The following TNNC2 variants were observed in gnomAD, a reference collection of about 807,000 sequenced individuals.
TNNC2 encodes troponin C, skeletal muscle.
In TNNC2, 14 loss-of-function variants were observed where a neutral mutation model predicts 20.0. That is an observed-to-expected ratio of 0.70 (90% CI 0.46 to 1.09). The LOEUF is 1.09. Among genes scored for constraint, TNNC2 ranks in the 50% least tolerant of loss-of-function variants. The pLI is 0.00. For missense variants in TNNC2, 163 were observed against 223.8 expected (o/e 0.73, Z 1.73); for synonymous variants, 81 against 77.3 (o/e 1.05, Z -0.25).
intron 2 of TNNC2, chr20:45,833,201 AGAAAGAAAGAAAC>A: frequency 6.6e-6 from 1 of 152,128 alleles, no homozygotes; most frequent in Non-Finnish European, 1.5e-5. Flanking sequence ...AGAGAGAGAA[AGAAAGAAAGAAAC>A]CTCTGGCAAG....
upstream of TNNC2, among the ~76,000 whole-genome samples, chr20:45,830,335 CA>C (rs781603612): frequency 0.1 from 5,443 of 54,214 alleles, 182 homozygotes; most frequent in African/African-American, 0.26. Context: ...GACTGCATCT[CA>C]AAAAAAAAAA....
chr20:45,823,277 G>A lies in TNNC2; in HGVS notation c.*71C>T. The A allele has an allele frequency of 1.4e-6, 2 of 1,438,940 alleles. No individual in the cohort carries two copies. The highest frequency in any genetic ancestry group is 1.3e-5 in the South Asian group (1 of 74,192). The allele number at this position is 1,438,940 out of a possible 1,614,324, so 89.1% of individuals were successfully genotyped here. A position where few individuals can be genotyped will look rare whatever the true frequency, so the allele number is the denominator to read the frequency against. ...CCACAAGGGGTCGCGCCTCCCTGGT[G>A]GGGACCCGGCAGGGCGGAGTCTCCC... On this transcript the variant is annotated 3_prime_UTR_variant, in exon 6 of 6. Coordinates refer to ENST00000372555, the MANE Select transcript of TNNC2 (RefSeq NM_003279.3). The surrounding 1 kb of genome is among the most constrained non-coding windows in gnomAD (Gnocchi z 4.6).
upstream of TNNC2, among the ~76,000 whole-genome samples, chr20:45,828,445 G>A (rs765003412): frequency 1.2e-4 from 19 of 152,184 alleles, no homozygotes; most frequent in Non-Finnish European, 2.6e-4. Flanking sequence ...AGGAGAGGAG[G>A]ATGTGCATTT....
chr20:45,825,206 G>A (rs1982936204), intron 1 of TNNC2, among the ~76,000 whole-genome samples: 1 of 152,038 alleles, frequency 6.6e-6, no homozygotes, highest in Non-Finnish European at 1.5e-5. Flanking sequence ...TGAACTCCTG[G>A]GTTCAAGTGA....
chr20:45,829,166 T>G (rs1202779591), upstream of TNNC2, among the ~76,000 whole-genome samples: 1 of 147,460 alleles, frequency 6.8e-6, no homozygotes, highest in Non-Finnish European at 1.5e-5. Context: ...TTTGGTTTTT[T>G]TTTTTTTTTT....
Position 45,824,342 on chromosome 20 carries a change from C to G in TNNC2, c.264G>C (p.Ala88=). Residue 88 remains alanine, a synonymous_variant, in exon 4 of 6, where the codon GCG becomes GCC. Coordinates refer to ENST00000372555, the MANE Select transcript of TNNC2 (RefSeq NM_003279.3). ...CCAGCTCCTCCTCGCTCTTCCCTTT[C>G]GCGTCCTCTTTCATCTGGCGCACCA... ...VMMVRQMKED[A]KGKSEEELAE... The G allele has an allele frequency of 3.7e-6, 6 of 1,611,292 alleles. No individual in the cohort carries two copies. The South Asian group carries it at 4.4e-5, about 12-fold the overall frequency.
chr20:45,824,696 A>AACCCCCCCCCC, intron 2 of TNNC2, 58 bp from the exon 3 acceptor site: 5 of 1,385,650 alleles, frequency 3.6e-6, no homozygotes, highest in Non-Finnish European at 3.9e-6. Flanking sequence ...CCTCACACCT[A>AACCCCCCCCCC]CCCCCCCCCA....
intron 1 of TNNC2, 56 bp from the exon 2 acceptor site, chr20:45,824,890 C>T (rs1344326271): frequency 5.1e-5 from 81 of 1,598,954 alleles, no homozygotes; most frequent in Non-Finnish European, 6.7e-5. Context: ...AGCAGTTCCT[C>T]ACCTCAAAGC....
chr20:45,824,324 C>T lies in TNNC2; in HGVS notation c.282G>A (p.Glu94=). The part of the protein sequence containing the change: ...MKEDAKGKSE[E]ELAECFRIFD... ...AGATGCGGAAGCACTCGGCCAGCTC[C>T]TCCTCGCTCTTCCCTTTCGCGTCCT... is the stretch of plus-strand genomic sequence containing the variant. Residue 94 remains glutamate, a synonymous_variant, in exon 4 of 6, where the codon GAG becomes GAA. Transcript: ENST00000372555. The T allele has an allele frequency of 6.2e-7, 1 of 1,611,216 alleles. No homozygotes were observed. Among genetic ancestry groups the T allele is most frequent in the Non-Finnish European group, 8.5e-7 (1 of 1,179,984 alleles).
At chr20:45,827,956 C>T (rs182576652), upstream of TNNC2, among the ~76,000 whole-genome samples, 349 of 152,334 alleles carry the variant, frequency 2.3e-3, no homozygotes, top group African/African-American at 7.9e-3. Context: ...TGACGTGCCA[C>T]ACACTGTGCT....
chr20:45,824,217 C>T (rs959994212), intron 4 of TNNC2, 75 bp downstream of exon 4: 12 of 1,600,114 alleles, frequency 7.5e-6, no homozygotes, highest in Non-Finnish European at 1.0e-5. Context: ...ACTCCCAACA[C>T]GGGGAAGCTT....
chr20:45,826,122 C>G (rs1460537906), intron 1 of TNNC2, among the ~76,000 whole-genome samples: 1 of 151,508 alleles, frequency 6.6e-6, no homozygotes, highest in African/African-American at 2.4e-5. Flanking sequence ...AGGGCTAGCA[C>G]CATTCCAGCA....
Position 45,824,348 on chromosome 20 carries a change from C to T in TNNC2, c.258G>A (p.Glu86=). 1 of 1,611,264 alleles carries T rather than the reference C, an allele frequency of 6.2e-7. No homozygotes were observed. The highest frequency in any genetic ancestry group is 2.2e-5 in the East Asian group (1 of 44,864). ...FLVMMVRQMK[E]DAKGKSEEEL... ...CCTCCTCGCTCTTCCCTTTCGCGTC[C>T]TCTTTCATCTGGCGCACCATCATGA... Residue 86 remains glutamate, a synonymous_variant, in exon 4 of 6, where the codon GAG becomes GAA. Transcript: ENST00000372555.
At chr20:45,831,179 G>A (rs746434963), upstream of TNNC2, among the ~76,000 whole-genome samples, 25 of 152,246 alleles carry the variant, frequency 1.6e-4, no homozygotes, top group Admixed American at 1.3e-4. Context: ...CCAGATACTT[G>A]GGAGGCTGAG....
chr20:45,831,557 A>G (rs1231647880), upstream of TNNC2, among the ~76,000 whole-genome samples: 1 of 152,122 alleles, frequency 6.6e-6, no homozygotes, highest in Non-Finnish European at 1.5e-5. Context: ...GTGAGCCAAG[A>G]GTGTGCCATT....
At chr20:45,825,538 C>T (rs1203887192) in intron 1 of TNNC2, among the ~76,000 whole-genome samples, 2 of 152,014 alleles carry the variant, frequency 1.3e-5, no homozygotes, top group South Asian at 2.1e-4. Flanking sequence ...GTGATCCGCC[C>T]ACCTCGGCTT....
intron 2 of TNNC2, 63 bp from the exon 3 acceptor site, chr20:45,824,701 C>CCT (rs1982917390): frequency 6.4e-7 from 1 of 1,569,594 alleles, no homozygotes; most frequent in African/African-American, 1.4e-5. Context: ...CACCTACCCC[C>CCT]CCCCAACCCC....
At chr20:45,824,271 G>A in intron 4 of TNNC2, 21 bp downstream of exon 4, 1 of 1,607,970 alleles carries the variant, frequency 6.2e-7, no homozygotes, top group South Asian at 1.1e-5. Context: ...CCCTCCCTCG[G>A]CTCCCGGGCC....
upstream of TNNC2, among the ~76,000 whole-genome samples, chr20:45,831,518 T>C (rs1983106030): frequency 6.6e-6 from 1 of 151,776 alleles, no homozygotes; most frequent in Non-Finnish European, 1.5e-5. Flanking sequence ...GGCAGGAAAA[T>C]CGCTTGAACC....
Sources: allele counts gnomAD v4.1 joint callset (sites outside exome capture counted in the v4.1 genomes callset), GRCh38; gene constraint gnomAD v4.1.1; non-coding constraint Gnocchi (gnomAD v3.1); transcripts MANE v1.5; gene names NCBI Gene and HGNC (gene_info 2026-07-23, HGNC 2026-07-21).